Variants in INTU observed in about 807,000 individuals in gnomAD.
INTU encodes the protein protein inturned.
Under a neutral mutation model 100.5 loss-of-function variants are expected in INTU, and 68 were observed. The observed-to-expected ratio is 0.68, with a 90% confidence interval of 0.56 to 0.83. The LOEUF (loss-of-function observed/expected upper bound fraction) is 0.83. Ranked by LOEUF, INTU falls within the 40% of genes least tolerant of loss-of-function variation. The pLI, the probability that INTU is intolerant of heterozygous loss-of-function variation, is 0.00. For synonymous variants in INTU, 357 were observed against 395.7 expected, an observed-to-expected ratio of 0.90 and a Z score of 1.16; for missense variants, 1,071 against 1,114.7, an observed-to-expected ratio of 0.96 and a Z score of 0.56.
chr4:127,701,447 T>C (rs994597828), intron 9 of INTU, among the ~76,000 whole-genome samples: 3 of 152,196 alleles, frequency 2.0e-5, no homozygotes, highest in Non-Finnish European at 2.9e-5. Context: ...GCTGAATCTA[T>C]TCATGAGTCT....
chr4:127,640,352 C>T (rs758872597), intron 1 of INTU, among the ~76,000 whole-genome samples: 1 of 151,620 alleles, frequency 6.6e-6, no homozygotes, highest in African/African-American at 2.4e-5. Context: ...AGTTGCCCTT[C>T]TGTGTGGGGG....
chr4:127,687,042 C>T (rs1578603226), intron 7 of INTU: 1 of 152,166 alleles, frequency 6.6e-6, no homozygotes, highest in East Asian at 1.9e-4. Flanking sequence ...TAATGTTATA[C>T]CTTCAGTAGT....
At chr4:127,692,665 A>G (rs1348982327) in intron 8 of INTU, among the ~76,000 whole-genome samples, 4 of 152,128 alleles carry the variant, frequency 2.6e-5, no homozygotes, top group Non-Finnish European at 5.9e-5. Flanking sequence ...TGCCTAAGCC[A>G]ATGTCTAGAA....
chr4:127,680,837 G>A (rs1578592067), intron 6 of INTU, among the ~76,000 whole-genome samples: 3 of 151,984 alleles, frequency 2.0e-5, no homozygotes, highest in South Asian at 2.1e-4. Context: ...TGACATAATT[G>A]TATATCTAGA....
Position 127,716,782 on chromosome 4 carries a change from T to C in INTU, c.*346T>C, listed in dbSNP as rs560502150. The C allele has an allele frequency of 6.6e-6, 1 of 152,290 alleles. No homozygotes were observed. Among genetic ancestry groups the C allele is most frequent in the Admixed American group, 6.6e-5 (1 of 15,202 alleles). The allele number at this position is 152,290 out of a possible 1,614,324, so 9.4% of individuals were successfully genotyped here. A position where few individuals can be genotyped will look rare whatever the true frequency, so the allele number is the denominator to read the frequency against. ...ATGTTTATTCTTGAAAAATACTCAATTTGTTGTTGTTTATTTTTCTCAAAA... is the reference window on the plus strand; with the variant it reads ...ATGTTTATTCTTGAAAAATACTCAACTTGTTGTTGTTTATTTTTCTCAAAA... On this transcript the variant is annotated 3_prime_UTR_variant, in exon 16 of 16. Coordinates refer to ENST00000335251, the MANE Select transcript of INTU (RefSeq NM_015693.4).
At chr4:127,712,798 C>T (rs1432466879) in intron 14 of INTU, among the ~76,000 whole-genome samples, 2 of 152,222 alleles carry the variant, frequency 1.3e-5, no homozygotes, top group African/African-American at 2.4e-5. Context: ...AGCTGCAGAG[C>T]ATTACCGCCT....
chr4:127,679,102 G>A (rs1729382416), intron 6 of INTU, among the ~76,000 whole-genome samples: 1 of 151,756 alleles, frequency 6.6e-6, no homozygotes, highest in East Asian at 1.9e-4. Flanking sequence ...GATTCATAAA[G>A]CAAGTCCTGA....
intron 8 of INTU, among the ~76,000 whole-genome samples, chr4:127,697,590 T>C (rs1310742027): frequency 6.6e-6 from 1 of 152,096 alleles, no homozygotes; most frequent in East Asian, 1.9e-4. Flanking sequence ...GCTTATTTCA[T>C]TTAACATAAT....
intron 5 of INTU, among the ~76,000 whole-genome samples, chr4:127,669,924 A>G (rs1728849132): frequency 6.6e-6 from 1 of 151,906 alleles, no homozygotes; most frequent in African/African-American, 2.4e-5. Flanking sequence ...AGACCTCAAA[A>G]GCAAATGCAG....
chr4:127,635,424 A>G lies in INTU; in HGVS notation c.146+2244A>G, dbSNP rs188750509. Among the ~76,000 whole-genome samples the G allele has an allele frequency of 3.6e-3, 552 of 152,290 alleles. 2 individuals carry two copies. Among genetic ancestry groups the G allele is most frequent in the Non-Finnish European group, 6.1e-3 (417 of 68,004 alleles). ...CTGCAACAATGCCAAGTTACCAGCT[A>G]ATATGCCTAGTTCATGTTACAGAGA... On this transcript the variant is annotated intron_variant, in intron 1 of 15. Transcript: ENST00000335251.
chr4:127,632,978 G>A lies in INTU; in HGVS notation c.-57G>A. The A allele has an allele frequency of 6.4e-7, 1 of 1,552,100 alleles. No homozygotes were observed. The highest frequency in any genetic ancestry group is 1.2e-5 in the South Asian group (1 of 85,312). Reference sequence around the variant, plus strand: ...AAGCAGAGGCAACATGGCGGCCTTAGCAAGCTATAGCTGCGAGATTTGAAT... The same window carrying A: ...AAGCAGAGGCAACATGGCGGCCTTAACAAGCTATAGCTGCGAGATTTGAAT... On this transcript the variant is annotated 5_prime_UTR_variant, in exon 1 of 16. Transcript: ENST00000335251.
rs1731290103 is a variant in INTU at position 127,717,784 on chromosome 4, T to C, written c.*1348T>C. 6.6e-6 allele frequency: 1 copy of C among 152,240 alleles called. No individual in the cohort carries two copies. Among genetic ancestry groups the C allele is most frequent in the Admixed American group, 6.5e-5 (1 of 15,286 alleles). The allele number at this position is 152,240 out of a possible 1,614,324, so 9.4% of individuals were successfully genotyped here. A position where few individuals can be genotyped will look rare whatever the true frequency, so the allele number is the denominator to read the frequency against. Reference sequence around the variant, plus strand: ...CATATGTTTGTTGGCTGCATGAATGTCTTCTTTTGAGAAGTGTCTGTTCAT... The same window carrying C: ...CATATGTTTGTTGGCTGCATGAATGCCTTCTTTTGAGAAGTGTCTGTTCAT... On this transcript the variant is annotated 3_prime_UTR_variant, in exon 16 of 16. Coordinates refer to ENST00000335251, the MANE Select transcript of INTU (RefSeq NM_015693.4).
At chr4:127,705,542 A>G in intron 10 of INTU, 49 bp from the exon 11 acceptor site, 1 of 1,355,278 alleles carries the variant, frequency 7.4e-7, no homozygotes, top group African/African-American at 1.4e-5. Flanking sequence ...TTATGGGACT[A>G]TTGCTTTATA....
rs1001615797 is a variant in INTU, at chr4:127,717,957, A to G, written c.*1521A>G. On this transcript the variant is annotated 3_prime_UTR_variant, in exon 16 of 16. Transcript: ENST00000335251. The stretch of plus-strand genomic sequence containing the variant: ...TAGGTTGCCTGTTCACTCTGATGAT[A>G]GTTTCTTTTGCTGTGCAGAAGGTCT... 1.3e-5 allele frequency: 2 copies of G among 152,080 alleles called. No homozygotes were observed. The highest frequency in any genetic ancestry group is 4.8e-5 in the African/African-American group (2 of 41,410). The allele number at this position is 152,080 out of a possible 1,614,324, so 9.4% of individuals were successfully genotyped here. A position where few individuals can be genotyped will look rare whatever the true frequency, so the allele number is the denominator to read the frequency against.
At chr4:127,657,832 A>G (rs1368674595) in intron 3 of INTU, among the ~76,000 whole-genome samples, 2 of 151,938 alleles carry the variant, frequency 1.3e-5, no homozygotes, top group Non-Finnish European at 2.9e-5. Flanking sequence ...TTATTTCATT[A>G]TATATTACAA....
rs1204985977 is a variant in INTU at position 127,721,035 on chromosome 4, A to G, written c.*4599A>G. ...TCATGATGCTAGTTGATTATTTTGCAGACTTGTTTATGTTTTTGCTTCATA... is the reference window on the plus strand; with the variant it reads ...TCATGATGCTAGTTGATTATTTTGCGGACTTGTTTATGTTTTTGCTTCATA... On this transcript the variant is annotated 3_prime_UTR_variant, in exon 16 of 16. Coordinates refer to ENST00000335251, the MANE Select transcript of INTU (RefSeq NM_015693.4). The G allele has an allele frequency of 1.3e-5, 2 of 152,044 alleles. No homozygotes were observed. The allele number at this position is 152,044 out of a possible 1,614,324, so 9.4% of individuals were successfully genotyped here.
At chr4:127,679,180 A>G (rs1729387436) in intron 6 of INTU, among the ~76,000 whole-genome samples, 3 of 152,188 alleles carry the variant, frequency 2.0e-5, no homozygotes, top group Non-Finnish European at 4.4e-5. Context: ...CACTGTCAAC[A>G]TTAGACAGAT....
chr4:127,705,024 A>G (rs749006208), intron 10 of INTU, among the ~76,000 whole-genome samples: 6 of 152,036 alleles, frequency 3.9e-5, no homozygotes, highest in Non-Finnish European at 8.8e-5. Context: ...CCCGGGAAGC[A>G]GAAGCTGCAG....
chr4:127,655,774 A>T (rs534017639), intron 2 of INTU, among the ~76,000 whole-genome samples: 124 of 152,180 alleles, frequency 8.1e-4, no homozygotes, highest in East Asian at 3.5e-3. Context: ...CCTGGCTGCT[A>T]TGTTTACCTA....
Sources: gnomAD v4.1 joint callset for allele counts (sites outside exome capture counted in the v4.1 genomes callset) on GRCh38, gnomAD v4.1.1 for gene constraint, MANE v1.5 for transcripts, NCBI Gene and HGNC (gene_info 2026-07-23, HGNC 2026-07-21) for gene names.